GLRA2: variants seen among roughly 807,000 people sequenced by gnomAD.
GLRA2 encodes the protein glycine receptor subunit alpha-2.
GLRA2 carries 11 observed loss-of-function variants against 31.6 expected under a neutral mutation model. The observed-to-expected ratio is 0.35, with a 90% CI of 0.22 to 0.58. The LOEUF is 0.58. GLRA2 is among the 20% of genes least tolerant of loss of function. The probability of loss-of-function intolerance (pLI) is 0.84; values close to 1 mark genes in which losing one functional copy is unlikely to be tolerated. For synonymous variants in GLRA2, 132 were observed against 134.0 expected (o/e 0.99, Z 0.10); for missense variants, 212 against 351.8 (o/e 0.60, Z 3.18).
chrX:14,568,300 T>C (rs1306861182), intron 2 of GLRA2, among the ~76,000 whole-genome samples: 1 of 111,926 alleles, frequency 8.9e-6, no homozygotes, highest in Non-Finnish European at 1.9e-5. Context: ...TAGAATAAAA[T>C]TGATAGTTCA....
At chrX:14,559,984 A>G (rs2089705077) in intron 2 of GLRA2, among the ~76,000 whole-genome samples, 1 of 111,502 alleles carries the variant, frequency 9.0e-6, no homozygotes, top group African/African-American at 3.3e-5. Context: ...CATGGGCATC[A>G]AAGCACCATG....
intron 8 of GLRA2, among the ~76,000 whole-genome samples, chrX:14,720,636 C>T (rs1042462498): frequency 8.9e-6 from 1 of 111,736 alleles, no homozygotes; most frequent in African/African-American, 3.3e-5. Flanking sequence ...TGGTTGTCCT[C>T]TCTAGTTTTT....
chrX:14,603,086 T>G (rs1467880108), intron 4 of GLRA2, among the ~76,000 whole-genome samples: 1 of 110,379 alleles, frequency 9.1e-6, no homozygotes, highest in Non-Finnish European at 1.9e-5. Context: ...CATCTATTTT[T>G]TTTTTTTTTG....
At position 14,698,181 on chromosome X, in the gene GLRA2, A is replaced by AT. The variant is rs780608993; in HGVS notation, c.1080+7328dup. Among the ~76,000 whole-genome samples the AT allele has an allele frequency of 3.6e-5, 4 of 111,131 alleles. No individual in the cohort carries two copies. In the East Asian group the frequency reaches 1.1e-3, roughly 32 times the overall value. On this transcript the variant is annotated intron_variant, in intron 8 of 8. Coordinates refer to ENST00000218075, the MANE Select transcript of GLRA2 (RefSeq NM_002063.4). The stretch of plus-strand genomic sequence containing the variant: ...TTATTTAATGTTTTGTTCACCATGG[A>AT]TTTTTTGTATTAATAATGATATTTT...
chrX:14,685,550 T>C (rs1285367778), intron 7 of GLRA2, among the ~76,000 whole-genome samples: 2 of 111,400 alleles, frequency 1.8e-5, no homozygotes, highest in African/African-American at 6.5e-5. Context: ...CTTGGGAGGG[T>C]GTATGTGTCC....
At chrX:14,480,008 T>C in the GLRA2 span, among the ~76,000 whole-genome samples, 1 of 112,035 alleles carries the variant, frequency 8.9e-6, no homozygotes, top group African/African-American at 3.2e-5. Context: ...ATGTGTTCCC[T>C]TTTCTCTGTA....
intron 7 of GLRA2, among the ~76,000 whole-genome samples, chrX:14,670,971 G>A (rs749915141): frequency 9.0e-6 from 1 of 111,506 alleles, no homozygotes; most frequent in African/African-American, 3.3e-5. Flanking sequence ...AATGATTCTC[G>A]CACAGTATTA....
intron 7 of GLRA2, among the ~76,000 whole-genome samples, chrX:14,685,908 T>G (rs764241017): frequency 8.9e-5 from 10 of 111,906 alleles, no homozygotes; most frequent in East Asian, 8.4e-4. Flanking sequence ...TGATGTTAGG[T>G]TGTCAATTTT....
chrX:14,498,398 A>G, the GLRA2 span, among the ~76,000 whole-genome samples: 1 of 111,444 alleles, frequency 9.0e-6, no homozygotes, highest in East Asian at 2.8e-4. Context: ...AGGACATAAA[A>G]TGAGATCTGA....
the GLRA2 span, among the ~76,000 whole-genome samples, chrX:14,510,894 C>T: frequency 9.0e-6 from 1 of 110,939 alleles, no homozygotes; most frequent in Non-Finnish European, 1.9e-5. Context: ...ATTCATCCCT[C>T]CTTTATAACA....
chrX:14,692,501 G>A (rs1405615085), intron 8 of GLRA2, among the ~76,000 whole-genome samples: 1 of 111,788 alleles, frequency 8.9e-6, no homozygotes, highest in Non-Finnish European at 1.9e-5. Context: ...TTTTACATAT[G>A]GTAATACTGC....
chrX:14,660,769 G>A (rs73437238), intron 7 of GLRA2, among the ~76,000 whole-genome samples: 3,248 of 111,813 alleles, frequency 0.029, 103 homozygotes, highest in African/African-American at 0.092. Flanking sequence ...GTAGTTAAAT[G>A]TTTTGCGTAG....
intron 8 of GLRA2, among the ~76,000 whole-genome samples, chrX:14,692,476 T>C (rs2091374926): frequency 8.9e-6 from 1 of 112,056 alleles, no homozygotes; most frequent in Non-Finnish European, 1.9e-5. Flanking sequence ...ATGGTTTAAG[T>C]CCTTCAACAA....
chrX:14,625,704 T>C (rs2090580947), intron 7 of GLRA2, among the ~76,000 whole-genome samples: 2 of 112,124 alleles, frequency 1.8e-5, no homozygotes. Flanking sequence ...TTGTAGAGTT[T>C]CTGCTGAGAG....
chrX:14,465,317 C>T, the GLRA2 span, among the ~76,000 whole-genome samples: 2 of 112,081 alleles, frequency 1.8e-5, no homozygotes, highest in Non-Finnish European at 3.8e-5. Flanking sequence ...TGCAACTTTA[C>T]TGAATTTGTT....
In GLRA2 at chrX:14,730,891, TACACACAC is replaced by T. The variant is rs55910036; in HGVS notation, c.*458_*465del. On this transcript the variant is annotated 3_prime_UTR_variant, in exon 9 of 9. Transcript: ENST00000218075. ...AATTCTGGTACTGAAAAGTTAGCTA[TACACACAC>T]ACACACACACACACACACACACACA... 0.029 allele frequency: 2,855 copies of T among 97,694 alleles called. 87 individuals carry two copies. The highest frequency in any genetic ancestry group is 0.051 in the East Asian group (176 of 3,485). The allele number at this position is 97,694 out of a possible 1,213,427, so 8.1% of individuals were successfully genotyped here.
intron 8 of GLRA2, among the ~76,000 whole-genome samples, chrX:14,691,693 G>A (rs761430769): frequency 8.9e-6 from 1 of 111,837 alleles, no homozygotes; most frequent in Non-Finnish European, 1.9e-5. Context: ...CTGGTGTGCA[G>A]ACATGCTTGG....
At chrX:14,510,854 C>T in the GLRA2 span, among the ~76,000 whole-genome samples, 5 of 111,757 alleles carry the variant, frequency 4.5e-5, no homozygotes, top group Admixed American at 2.8e-4. Flanking sequence ...AGTATCAATG[C>T]TACTTTGTAG....
chrX:14,565,014 C>T (rs1219494124), intron 2 of GLRA2, among the ~76,000 whole-genome samples: 1 of 107,823 alleles, frequency 9.3e-6, no homozygotes, highest in Non-Finnish European at 1.9e-5. Flanking sequence ...TGGTTCACTA[C>T]AAAAAAAATC....
Sources: gnomAD v4.1 joint callset for allele counts (sites outside exome capture counted in the v4.1 genomes callset) on GRCh38, gnomAD v4.1.1 for gene constraint, MANE v1.5 for transcripts, NCBI Gene and HGNC (gene_info 2026-07-23, HGNC 2026-07-21) for gene names.